Variants in FAM13B observed in about 807,000 individuals in gnomAD.
FAM13B encodes family with sequence similarity 13 member B, also known as protein FAM13B.
Under a neutral mutation model 117.3 loss-of-function variants are expected in FAM13B, and 60 were observed. The observed-to-expected ratio is 0.51, with a 90% CI of 0.42 to 0.63. The LOEUF (loss-of-function observed/expected upper bound fraction) is 0.63. Among genes scored for constraint, FAM13B ranks in the 30% least tolerant of loss-of-function variants. The pLI is 0.00. For missense variants in FAM13B, 972 were observed against 1,091.9 expected (o/e 0.89, Z 1.55); for synonymous variants, 332 against 356.1 (o/e 0.93, Z 0.76).
At chr5:138,041,928 G>T (rs1270094181) in intron 1 of FAM13B, among the ~76,000 whole-genome samples, 2 of 151,812 alleles carry the variant, frequency 1.3e-5, no homozygotes, top group African/African-American at 4.8e-5. Flanking sequence ...AGGCACAGTG[G>T]TTTGCACCTG....
At chr5:138,011,459 C>A (rs969187172) in intron 5 of FAM13B, among the ~76,000 whole-genome samples, 1 of 151,924 alleles carries the variant, frequency 6.6e-6, no homozygotes, top group Non-Finnish European at 1.5e-5. Flanking sequence ...CGCTCTGTCA[C>A]CCAGGCTGGA....
chr5:138,006,192 C>T (rs946056440), intron 7 of FAM13B, among the ~76,000 whole-genome samples: 2 of 152,130 alleles, frequency 1.3e-5, no homozygotes, highest in South Asian at 2.1e-4. Context: ...CCACCGCGCC[C>T]GGCCTATTTC....
rs182224747 is a variant in FAM13B, at chr5:137,939,379, G to C, written c.*846C>G. ...AGCACCATCAGAGTTCCTACATACT[G>C]ACATGGCTATTTTCTCACATTATCT... is the stretch of plus-strand genomic sequence containing the variant. On this transcript the variant is annotated 3_prime_UTR_variant, in exon 24 of 24. Coordinates refer to ENST00000689681, the MANE Select transcript of FAM13B (RefSeq NM_001385994.1). 2 of 152,684 alleles carry C rather than the reference G, an allele frequency of 1.3e-5. No individual in the cohort carries two copies. Among genetic ancestry groups the C allele is most frequent in the African/African-American group, 4.8e-5 (2 of 41,438 alleles). 9.5% of individuals were successfully genotyped at this position (152,684 alleles called of 1,614,324 possible). A position where few individuals can be genotyped will look rare whatever the true frequency, so the allele number is the denominator to read the frequency against.
chr5:137,966,530 G>C (rs1232182335), intron 10 of FAM13B, among the ~76,000 whole-genome samples: 1 of 146,050 alleles, frequency 6.8e-6, no homozygotes, highest in African/African-American at 2.5e-5. Context: ...GAGAGGGAAA[G>C]AGAGAGAGAA....
intron 10 of FAM13B, 138 bp downstream of exon 10, chr5:137,985,119 A>G: frequency 1.1e-6 from 1 of 900,598 alleles, no homozygotes; most frequent in Non-Finnish European, 1.7e-6. Context: ...AAACTCTGAA[A>G]CAATGTATAT....
At position 137,938,786 on chromosome 5, in the gene FAM13B, T is replaced by C. The variant is rs1760856482; in HGVS notation, c.*1439A>G. The C allele has an allele frequency of 6.6e-6, 1 of 152,546 alleles. No individual in the cohort carries two copies. The highest frequency in any genetic ancestry group is 2.4e-5 in the African/African-American group (1 of 41,414). The allele number at this position is 152,546 out of a possible 1,614,324, so 9.4% of individuals were successfully genotyped here. The stretch of plus-strand genomic sequence containing the variant: ...GAGGTTCATGCTTCCCTCACCTTAT[T>C]AAAGGATGTTGCAAAATTCCATTTT... On this transcript the variant is annotated 3_prime_UTR_variant, in exon 24 of 24. Transcript: ENST00000689681.
intron 18 of FAM13B, among the ~76,000 whole-genome samples, chr5:137,946,927 T>G (rs911506509): frequency 6.6e-5 from 10 of 152,204 alleles, no homozygotes; most frequent in African/African-American, 2.2e-4. Context: ...TACTTCTCTA[T>G]TACCTCCATT....
intron 6 of FAM13B, among the ~76,000 whole-genome samples, chr5:138,007,356 G>C (rs1285860044): frequency 6.6e-6 from 1 of 152,122 alleles, no homozygotes; most frequent in Non-Finnish European, 1.5e-5. Context: ...TTTGAAGCAG[G>C]ATTAGTGTAT....
At chr5:138,049,412 T>C (rs536594358) in intron 1 of FAM13B, among the ~76,000 whole-genome samples, 1 of 152,240 alleles carries the variant, frequency 6.6e-6, no homozygotes, top group South Asian at 2.1e-4. Context: ...TAGCTGGGAC[T>C]ACAGGCGTGT....
intron 7 of FAM13B, among the ~76,000 whole-genome samples, chr5:137,990,026 T>C (rs767081731): frequency 6.6e-6 from 1 of 152,174 alleles, no homozygotes; most frequent in Non-Finnish European, 1.5e-5. Flanking sequence ...AAAAGATAAA[T>C]GAGGCTTTCC....
intron 11 of FAM13B, among the ~76,000 whole-genome samples, chr5:137,961,956 C>T (rs983543165): frequency 1.3e-5 from 2 of 152,154 alleles, no homozygotes; most frequent in African/African-American, 4.8e-5. Context: ...TAAAAAAGCA[C>T]CAGCTGCCTA....
At position 138,032,830 on chromosome 5, in the gene FAM13B, A is replaced by T; in HGVS notation, c.-251T>A. ...CCCTGGCCGCGGCCGCTTCTCCAGG[A>T]CCCGCGGCGACGGCAAGAGGGCGAG... On this transcript the variant is annotated 5_prime_UTR_variant, in exon 1 of 24. Transcript: ENST00000689681. The T allele has an allele frequency of 1.0e-6, 1 of 985,486 alleles. No individual in the cohort carries two copies. Among genetic ancestry groups the T allele is most frequent in the Non-Finnish European group, 1.2e-6 (1 of 829,902 alleles). The allele number at this position is 985,486 out of a possible 1,614,324, so 61.0% of individuals were successfully genotyped here.
intron 2 of FAM13B, chr5:138,020,090 C>T (rs765807747): frequency 1.1e-5 from 9 of 809,352 alleles, no homozygotes; most frequent in East Asian, 1.3e-4. Context: ...GACAGAGTTT[C>T]GCTCTTTTTG....
intron 10 of FAM13B, among the ~76,000 whole-genome samples, chr5:137,962,678 A>G (rs1364707223): frequency 6.6e-6 from 1 of 152,070 alleles, no homozygotes; most frequent in Non-Finnish European, 1.5e-5. Context: ...TATAGCAGGT[A>G]CTCTGCATTT....
Position 137,945,993 on chromosome 5 carries a change from G to A in FAM13B, c.2249C>T (p.Thr750Ile). Reference protein sequence around the residue: ...YYESQHGRPVTKEERHIVKPL... With the variant: ...YYESQHGRPVIKEERHIVKPL... ...TTTAACAATGTGCCTTTCTTCCTTG[G>A]TCACCTGAAGCAAGAAAAAAAAGAA... Residue 750 changes from threonine to isoleucine, a missense_variant, in exon 20 of 24, where the codon ACC (threonine) becomes ATC (isoleucine). Thr to Ile is a moderately conservative substitution (Grantham distance 89). Transcript: ENST00000689681. The A allele has an allele frequency of 1.9e-6, 3 of 1,609,900 alleles. No homozygotes were observed. Among genetic ancestry groups the A allele is most frequent in the Non-Finnish European group, 2.5e-6 (3 of 1,177,870 alleles).
At chr5:138,009,488 C>CAA (rs535811789) in intron 6 of FAM13B, among the ~76,000 whole-genome samples, 3 of 128,894 alleles carry the variant, frequency 2.3e-5, no homozygotes, top group South Asian at 4.8e-4. Flanking sequence ...AAACACTGGC[C>CAA]AAAAAAAAAA....
chr5:138,036,732 T>C (rs1378425458), upstream of FAM13B: 1 of 368,926 alleles, frequency 2.7e-6, no homozygotes, highest in Non-Finnish European at 5.3e-6. Context: ...TACTTTAGTT[T>C]TTTGGTGGAT....
intron 2 of FAM13B, among the ~76,000 whole-genome samples, chr5:138,020,251 G>A (rs546465585): frequency 6.6e-6 from 1 of 152,154 alleles, no homozygotes; most frequent in South Asian, 2.1e-4. Flanking sequence ...GTAGAGACGG[G>A]GTTTCACCAT....
chr5:138,006,910 TTG>T, intron 7 of FAM13B, 78 bp downstream of exon 7: 4 of 1,332,170 alleles, frequency 3.0e-6, no homozygotes, highest in South Asian at 3.5e-5. Flanking sequence ...TAGTTACAGT[TTG>T]TGTTTCTGAA....
Sources: allele counts gnomAD v4.1 joint callset (sites outside exome capture counted in the v4.1 genomes callset), GRCh38; gene constraint gnomAD v4.1.1; transcripts MANE v1.5; gene names NCBI Gene and HGNC (gene_info 2026-07-23, HGNC 2026-07-21).